Variants in RNASEH1 observed in about 807,000 individuals in gnomAD.
RNASEH1 encodes ribonuclease H type II.
Under a neutral mutation model 34.6 loss-of-function variants are expected in RNASEH1, and 27 were observed. The ratio of observed to expected loss-of-function variants is 0.78; its 90% CI spans 0.58 to 1.08. The LOEUF is 1.08. Among genes scored for constraint, RNASEH1 ranks in the 50% least tolerant of loss-of-function variants. The pLI is 0.00. For missense variants in RNASEH1, 349 were observed against 373.6 expected (o/e 0.93, Z 0.54); for synonymous variants, 162 against 138.4 (o/e 1.17, Z -1.20).
intron 4 of RNASEH1, among the ~76,000 whole-genome samples, chr2:3,549,560 A>AT (rs1421389560): frequency 6.6e-6 from 1 of 152,154 alleles, no homozygotes; most frequent in Non-Finnish European, 1.5e-5. Flanking sequence ...AGAATGAGCA[A>AT]TTTTTGGGCC....
chr2:3,550,852 C>A (rs1659802904), intron 3 of RNASEH1, among the ~76,000 whole-genome samples: 1 of 152,230 alleles, frequency 6.6e-6, no homozygotes, highest in South Asian at 2.1e-4. Flanking sequence ...AGCGCCTCAG[C>A]ATGACGGTGA....
chr2:3,531,900 T>C, the RNASEH1 span: 1 of 206,096 alleles, frequency 4.9e-6, no homozygotes, highest in South Asian at 1.1e-4. Flanking sequence ...TTGTACTTTA[T>C]TTGTGCTATA....
At chr2:3,552,403 A>G (rs1660033580) in intron 2 of RNASEH1, 95 bp from the exon 3 acceptor site, 2 of 1,264,808 alleles carry the variant, frequency 1.6e-6, no homozygotes, top group Middle Eastern at 2.0e-4. Context: ...TAGTATCATT[A>G]AATCAGACTT....
Position 3,549,115 on chromosome 2 carries a change from G to A in RNASEH1, c.510-3C>T. ...CAGGAAGTCTAATGCCTACATTTCTGTTTCAAAACAGTACAAAAGAAAATA... is the reference window on the plus strand; with the variant it reads ...CAGGAAGTCTAATGCCTACATTTCTATTTCAAAACAGTACAAAAGAAAATA... On this transcript the variant is annotated splice_region_variant and splice_polypyrimidine_tract_variant and intron_variant, in intron 4 of 7. Coordinates refer to ENST00000315212, the MANE Select transcript of RNASEH1 (RefSeq NM_002936.6). The A allele has an allele frequency of 6.2e-7, 1 of 1,610,104 alleles. No individual in the cohort carries two copies. The highest frequency in any genetic ancestry group is 8.5e-7 in the Non-Finnish European group (1 of 1,176,768).
At chr2:3,533,223 C>T in the RNASEH1 span, 1 of 152,278 alleles carries the variant, frequency 6.6e-6, no homozygotes, top group African/African-American at 2.4e-5. Flanking sequence ...AGAGATAAAA[C>T]TTCTGCCACA....
At chr2:3,532,195 G>C in the RNASEH1 span, 4 of 696,104 alleles carry the variant, frequency 5.7e-6, no homozygotes, top group Admixed American at 4.0e-5. Flanking sequence ...CCGGGTGTCA[G>C]CACCTGGTCG....
At chr2:3,558,101 C>A in intron 1 of RNASEH1, 32 bp downstream of exon 1, 16 of 1,568,032 alleles carry the variant, frequency 1.0e-5, no homozygotes, top group South Asian at 2.3e-5. Flanking sequence ...CCGATGCCGG[C>A]AGGGAGGCGC....
chr2:3,538,146 G>A (rs565695643), downstream of RNASEH1, among the ~76,000 whole-genome samples: 1 of 151,654 alleles, frequency 6.6e-6, no homozygotes, highest in East Asian at 1.9e-4. Context: ...GTCGGGAGTC[G>A]GAGACCAGCC....
At chr2:3,538,729 T>TC (rs1668129514), downstream of RNASEH1, among the ~76,000 whole-genome samples, 1 of 152,192 alleles carries the variant, frequency 6.6e-6, no homozygotes, top group South Asian at 2.1e-4. Flanking sequence ...GCAAGGTGTA[T>TC]CTACAGCATA....
At chr2:3,540,574 A>G (rs1668240999), downstream of RNASEH1, among the ~76,000 whole-genome samples, 1 of 152,098 alleles carries the variant, frequency 6.6e-6, no homozygotes, top group South Asian at 2.1e-4. Flanking sequence ...GCGCCTGGGT[A>G]ATTTTTGTAT....
chr2:3,555,163 T>C (rs1372159220), intron 2 of RNASEH1, among the ~76,000 whole-genome samples: 3 of 152,228 alleles, frequency 2.0e-5, no homozygotes, highest in Non-Finnish European at 2.9e-5. Flanking sequence ...CAGATGTCTG[T>C]GCTCATCGGT....
chr2:3,544,408 C>T lies in RNASEH1; in HGVS notation c.*1377G>A, dbSNP rs1485083896. On this transcript the variant is annotated 3_prime_UTR_variant, in exon 8 of 8. Coordinates refer to ENST00000315212, the MANE Select transcript of RNASEH1 (RefSeq NM_002936.6). ...CAGCCCAGGCTCTTCAACAGATAAA[C>T]GGCAGGGAAAACAGTGAGGCCGACG... is the stretch of plus-strand genomic sequence containing the variant. Among the ~76,000 whole-genome samples, 1 of 152,080 alleles carries T rather than the reference C, an allele frequency of 6.6e-6. No homozygotes were observed. Among genetic ancestry groups the T allele is most frequent in the Non-Finnish European group, 1.5e-5 (1 of 68,030 alleles).
At chr2:3,555,231 C>T (rs1431557143) in intron 2 of RNASEH1, among the ~76,000 whole-genome samples, 1 of 152,122 alleles carries the variant, frequency 6.6e-6, no homozygotes, top group Non-Finnish European at 1.5e-5. Flanking sequence ...AAAGAAGTCT[C>T]AAGTTCTATT....
downstream of RNASEH1, among the ~76,000 whole-genome samples, chr2:3,537,914 G>A (rs1291880902): frequency 2.6e-5 from 4 of 152,112 alleles, no homozygotes; most frequent in Non-Finnish European, 4.4e-5. Context: ...GTGCATGCCT[G>A]TAATCCCAGC....
chr2:3,532,870 A>G, the RNASEH1 span, among the ~76,000 whole-genome samples: 1 of 152,158 alleles, frequency 6.6e-6, no homozygotes, highest in South Asian at 2.1e-4. Context: ...CTGACATTAT[A>G]AAGGCTGGGA....
chr2:3,548,607 GA>G lies in RNASEH1; in HGVS notation c.649+32del, dbSNP rs766922105. The G allele has an allele frequency of 2.1e-6, 3 of 1,444,658 alleles. No individual in the cohort carries two copies. In the African/African-American group the frequency reaches 4.2e-5, roughly 20 times the overall value. 89.5% of individuals were successfully genotyped at this position (1,444,658 alleles called of 1,614,324 possible). ...TACCAATTTCCCTTCACAGTTACTGGAAAAACAGAAGAAATCAAATGTGAAA... is the reference window on the plus strand; with the variant it reads ...TACCAATTTCCCTTCACAGTTACTGGAAAACAGAAGAAATCAAATGTGAAA... On this transcript the variant is annotated intron_variant, in intron 6 of 7. Coordinates refer to ENST00000315212, the MANE Select transcript of RNASEH1 (RefSeq NM_002936.6).
intron 3 of RNASEH1, 79 bp from the exon 4 acceptor site, chr2:3,550,551 C>T (rs1459129041): frequency 9.3e-7 from 1 of 1,074,262 alleles, no homozygotes; most frequent in Non-Finnish European, 1.5e-6. Context: ...ACTAGGTCGA[C>T]TTAGCATTTT....
In RNASEH1 at chr2:3,558,314, A is replaced by G; in HGVS notation, c.-54T>C. The G allele has an allele frequency of 6.8e-7, 1 of 1,472,016 alleles. No individual in the cohort carries two copies. Among genetic ancestry groups the G allele is most frequent in the Non-Finnish European group, 9.0e-7 (1 of 1,114,564 alleles). 91.2% of individuals were successfully genotyped at this position (1,472,016 alleles called of 1,614,324 possible). A position where few individuals can be genotyped will look rare whatever the true frequency, so the allele number is the denominator to read the frequency against. On this transcript the variant is annotated 5_prime_UTR_variant, in exon 1 of 8. Coordinates refer to ENST00000315212, the MANE Select transcript of RNASEH1 (RefSeq NM_002936.6). The stretch of plus-strand genomic sequence containing the variant: ...CGACTCCCGGCCCAGCGTGGGCGCG[A>G]GCCGCCGGCGCTCAACACCGCACTT...
rs761158420 is a variant in RNASEH1 at position 3,558,296 on chromosome 2, C to G, written c.-36G>C. The G allele has an allele frequency of 6.6e-7, 1 of 1,505,948 alleles. No individual in the cohort carries two copies. Among genetic ancestry groups the G allele is most frequent in the South Asian group, 1.3e-5 (1 of 77,686 alleles). 93.3% of individuals were successfully genotyped at this position (1,505,948 alleles called of 1,614,324 possible). On this transcript the variant is annotated 5_prime_UTR_variant, in exon 1 of 8. Coordinates refer to ENST00000315212, the MANE Select transcript of RNASEH1 (RefSeq NM_002936.6). ...CGGCACCGGGAAGCATTTCGACTCC[C>G]GGCCCAGCGTGGGCGCGAGCCGCCG...
Sources: allele counts gnomAD v4.1 joint callset (sites outside exome capture counted in the v4.1 genomes callset), GRCh38; gene constraint gnomAD v4.1.1; transcripts MANE v1.5; gene names NCBI Gene and HGNC (gene_info 2026-07-23, HGNC 2026-07-21).